The following DKKL1 variants were observed in gnomAD, a reference collection of about 807,000 sequenced individuals.
DKKL1 encodes the protein dickkopf-like protein 1.
Under a neutral mutation model 16.5 loss-of-function variants are expected in DKKL1, and 11 were observed. That is an observed-to-expected ratio of 0.67 (90% CI 0.42 to 1.10). The LOEUF (loss-of-function observed/expected upper bound fraction) is 1.10. Among genes scored for constraint, DKKL1 ranks in the 50% least tolerant of loss-of-function variants. DKKL1 has a pLI of 0.00. For missense variants in DKKL1, 320 were observed against 308.1 expected (o/e 1.04, Z -0.29); for synonymous variants, 119 against 133.2 (o/e 0.89, Z 0.73).
intron 4 of DKKL1, chr19:49,368,771 C>A (rs1466155943): frequency 6.6e-6 from 1 of 152,086 alleles, no homozygotes; most frequent in Non-Finnish European, 1.5e-5. Context: ...CTTTTTTAAA[C>A]CATATCTTAT....
intron 4 of DKKL1, chr19:49,370,694 T>C (rs927337367): frequency 2.6e-5 from 4 of 152,166 alleles, no homozygotes; most frequent in African/African-American, 4.8e-5. Context: ...AAAGTTCCCA[T>C]AGATAATCCA....
intron 4 of DKKL1, among the ~76,000 whole-genome samples, chr19:49,366,347 T>A (rs1015632196): frequency 3.3e-4 from 50 of 152,290 alleles, no homozygotes; most frequent in African/African-American, 1.1e-3. Context: ...AGTGGGGCAA[T>A]CCAACTGTCA....
chr19:49,375,094 A>G lies in DKKL1; in HGVS notation c.*66A>G. On this transcript the variant is annotated 3_prime_UTR_variant, in exon 5 of 5. Transcript: ENST00000221498. Reference sequence around the variant, plus strand: ...ACCCTGCCCCAAGCACCATATGGAAATAAAGTTCTTTCTTACATCTAACAA... The same window carrying G: ...ACCCTGCCCCAAGCACCATATGGAAGTAAAGTTCTTTCTTACATCTAACAA... The G allele has an allele frequency of 1.4e-6, 2 of 1,481,250 alleles. No homozygotes were observed. The highest frequency in any genetic ancestry group is 2.4e-5 in the East Asian group (1 of 42,510). 91.8% of individuals were successfully genotyped at this position (1,481,250 alleles called of 1,614,324 possible).
At chr19:49,372,818 A>G (rs551881705) in intron 4 of DKKL1, among the ~76,000 whole-genome samples, 17 of 151,656 alleles carry the variant, frequency 1.1e-4, no homozygotes, top group African/African-American at 4.1e-4. Flanking sequence ...CCTGACCAAC[A>G]TGGAGAAACC....
At position 49,365,513 on chromosome 19, in the gene DKKL1, A is replaced by G; in HGVS notation, c.188A>G (p.Asn63Ser). The change falls in exon 3 of 5, where the codon AAC (asparagine) becomes AGC (serine). Residue 63 changes from asparagine to serine, a missense_variant. Asn to Ser is a conservative substitution (Grantham distance 46). Coordinates refer to ENST00000221498, the MANE Select transcript of DKKL1 (RefSeq NM_014419.4). ...CAGTCCCTCCTCCGGCCCCAGGGTA[A>G]CCTGCTTCGGGGCATAGACAGCTTA... ...QGFSRLFLKG[N>S]LLRGIDSLFS... The G allele has an allele frequency of 6.2e-7, 1 of 1,601,556 alleles. No individual in the cohort carries two copies. Among genetic ancestry groups the G allele is most frequent in the South Asian group, 1.1e-5 (1 of 89,532 alleles).
At chr19:49,360,575 G>A (rs1555786331), upstream of DKKL1, 1 of 156,146 alleles carries the variant, frequency 6.4e-6, no homozygotes, top group Non-Finnish European at 1.4e-5. Flanking sequence ...TATGAATTAC[G>A]GGTTTTAAAG....
At chr19:49,365,444 G>A (rs940739283) in intron 2 of DKKL1, 65 bp from the exon 3 acceptor site, 1 of 1,493,632 alleles carries the variant, frequency 6.7e-7, no homozygotes, top group Non-Finnish European at 8.9e-7. Context: ...TAGCAGGGCT[G>A]CAGAAGGGGC....
chr19:49,369,818 G>T, intron 4 of DKKL1: 1 of 153,420 alleles, frequency 6.5e-6, no homozygotes, highest in South Asian at 1.9e-4. Flanking sequence ...ACTTCAGCCT[G>T]ACTGGAGTAG....
chr19:49,362,611 T>G (rs957204550), upstream of DKKL1, among the ~76,000 whole-genome samples: 1 of 150,962 alleles, frequency 6.6e-6, no homozygotes, highest in East Asian at 2.0e-4. Flanking sequence ...AGGAGGGGGA[T>G]TGGGGGTTCG....
At chr19:49,374,662 C>T (rs879022028) in intron 4 of DKKL1, 55 bp from the exon 5 acceptor site, 2 of 1,489,436 alleles carry the variant, frequency 1.3e-6, no homozygotes, top group South Asian at 1.4e-5. Context: ...TGGGGACTGA[C>T]CATCCTGGGG....
chr19:49,363,839 T>C, upstream of DKKL1: 1 of 1,059,130 alleles, frequency 9.4e-7, no homozygotes, highest in Non-Finnish European at 1.4e-6. Context: ...AATAGGGGCG[T>C]GGCTACGGCT....
intron 1 of DKKL1, 47 bp downstream of exon 1, chr19:49,364,055 G>T: frequency 6.2e-7 from 1 of 1,609,780 alleles, no homozygotes; most frequent in South Asian, 1.1e-5. Flanking sequence ...GTGAGGAAAA[G>T]ACCATTGGAT....
intron 4 of DKKL1, chr19:49,371,290 C>T (rs1215636233): frequency 1.3e-5 from 2 of 152,184 alleles, no homozygotes; most frequent in African/African-American, 4.8e-5. Flanking sequence ...GTCACAAGAC[C>T]TCACCCTGGC....
At chr19:49,363,435 G>A (rs1973090921), upstream of DKKL1, among the ~76,000 whole-genome samples, 1 of 152,234 alleles carries the variant, frequency 6.6e-6, no homozygotes, top group African/African-American at 2.4e-5. Context: ...CTTGTACTCC[G>A]GTGTCTCCAG....
chr19:49,362,450 A>G (rs1277737621), upstream of DKKL1: 7 of 152,026 alleles, frequency 4.6e-5, no homozygotes, highest in Admixed American at 3.3e-4. Flanking sequence ...TTGTTTGGGA[A>G]AAGTGGGAGG....
Position 49,374,970 on chromosome 19 carries a change from G to A in DKKL1, c.671G>A (p.Arg224Lys). 1 of 1,613,506 alleles carries A rather than the reference G, an allele frequency of 6.2e-7. No homozygotes were observed. Among genetic ancestry groups the A allele is most frequent in the Non-Finnish European group, 8.5e-7 (1 of 1,179,818 alleles). ...EEGTESSSHS[R>K]LSPRKTHLLY... The stretch of plus-strand genomic sequence containing the variant: ...GGGACCGAGAGCTCCTCCCACTCCA[G>A]GCTGTCCCCCCGAAAGACCCACTTA... Residue 224 changes from arginine (R) to lysine (K), a missense_variant, in exon 5 of 5, where the codon AGG becomes AAG. Transcript: ENST00000221498.
At chr19:49,360,872 T>G (rs892908476), upstream of DKKL1, among the ~76,000 whole-genome samples, 252 of 38,714 alleles carry the variant, frequency 6.5e-3, no homozygotes, top group South Asian at 7.1e-3. Context: ...ACCAGTGAGG[T>G]GGGGATAGAG....
intron 4 of DKKL1, chr19:49,368,566 G>A (rs1973351831): frequency 6.6e-6 from 1 of 151,908 alleles, no homozygotes; most frequent in African/African-American, 2.4e-5. Context: ...TTATTATTTT[G>A]GAAATGGAGT....
Position 49,363,899 on chromosome 19 carries a change from CTGTT to C in DKKL1, c.-97_-94del. 3.3e-6 allele frequency: 5 copies of C among 1,523,190 alleles called. No individual in the cohort carries two copies. Among genetic ancestry groups the C allele is most frequent in the Non-Finnish European group, 4.5e-6 (5 of 1,117,708 alleles). 94.4% of individuals were successfully genotyped at this position (1,523,190 alleles called of 1,614,324 possible). On this transcript the variant is annotated 5_prime_UTR_variant, in exon 1 of 5. Transcript: ENST00000221498. Reference sequence around the variant, plus strand: ...ACCAGACCTGGGCTCGAGACCATAACTGTTTGGCTTTAACAGTACGTGGGCGGCC... The same window carrying C: ...ACCAGACCTGGGCTCGAGACCATAACTGGCTTTAACAGTACGTGGGCGGCC...
Sources: allele counts gnomAD v4.1 joint callset (sites outside exome capture counted in the v4.1 genomes callset), GRCh38; gene constraint gnomAD v4.1.1; transcripts MANE v1.5; gene names NCBI Gene and HGNC (gene_info 2026-07-23, HGNC 2026-07-21).